The following PANX1 variants were observed in gnomAD, a reference collection of about 807,000 sequenced individuals.
PANX1 encodes pannexin-1.
PANX1 carries 30 observed loss-of-function variants against 38.7 expected under a neutral mutation model. That is an observed-to-expected ratio of 0.78 (90% CI 0.58 to 1.05). PANX1 has a LOEUF of 1.05. Among genes scored for constraint, PANX1 ranks in the 50% least tolerant of loss-of-function variants. PANX1 has a pLI of 0.00. For missense variants in PANX1, 551 were observed against 517.2 expected (o/e 1.07, Z -0.63); for synonymous variants, 230 against 212.2 (o/e 1.08, Z -0.73).
intron 1 of PANX1, among the ~76,000 whole-genome samples, chr11:94,152,638 C>T (rs1946896192): frequency 6.6e-6 from 1 of 152,200 alleles, no homozygotes; most frequent in African/African-American, 2.4e-5. Context: ...GGGGAGGACA[C>T]AGCCCTGCCT....
At chr11:94,161,214 C>T (rs1256409683) in intron 2 of PANX1, among the ~76,000 whole-genome samples, 1 of 152,060 alleles carries the variant, frequency 6.6e-6, no homozygotes, top group Admixed American at 6.6e-5. Flanking sequence ...TGGAGTTGCT[C>T]TTCTCGAGGA....
chr11:94,133,301 A>G (rs919668620), intron 1 of PANX1, among the ~76,000 whole-genome samples: 16 of 152,178 alleles, frequency 1.1e-4, no homozygotes, highest in Admixed American at 8.5e-4. Context: ...TGCCTTGCTC[A>G]TTCACCAGAT....
intron 1 of PANX1, among the ~76,000 whole-genome samples, chr11:94,151,765 C>T (rs1946885070): frequency 6.6e-6 from 1 of 152,136 alleles, no homozygotes; most frequent in South Asian, 2.1e-4. Flanking sequence ...TCTTACCTGT[C>T]CCCCACTCAT....
intron 1 of PANX1, among the ~76,000 whole-genome samples, chr11:94,152,418 G>A (rs1043181555): frequency 6.6e-6 from 1 of 152,212 alleles, no homozygotes; most frequent in Admixed American, 6.5e-5. Flanking sequence ...GAGTGGCAGA[G>A]TCAAATTTAA....
chr11:94,172,180 G>A (rs1048969176), intron 2 of PANX1, among the ~76,000 whole-genome samples: 2 of 151,534 alleles, frequency 1.3e-5, no homozygotes, highest in East Asian at 1.9e-4. Context: ...TCAGGCTCCC[G>A]AGGCCATCTA....
chr11:94,175,940 C>T lies in PANX1; in HGVS notation c.322-2429C>T, dbSNP rs1017842746. 6.2e-6 allele frequency: 6 copies of T among 971,910 alleles called. No individual in the cohort carries two copies. The Admixed American group carries it at 2.5e-4, about 40-fold the overall frequency. 60.2% of individuals were successfully genotyped at this position (971,910 alleles called of 1,614,324 possible). A position where few individuals can be genotyped will look rare whatever the true frequency, so the allele number is the denominator to read the frequency against. On this transcript the variant is annotated intron_variant, in intron 2 of 4. Coordinates refer to ENST00000227638, the MANE Select transcript of PANX1 (RefSeq NM_015368.4). ...GTCATTTGTGCTTATTTCTGTCTTG[C>T]GTCTGGGGCAGAGATTCCTTATGTG...
chr11:94,142,132 A>G (rs1946769383), intron 1 of PANX1, among the ~76,000 whole-genome samples: 1 of 152,152 alleles, frequency 6.6e-6, no homozygotes, highest in South Asian at 2.1e-4. Context: ...GCGTGGGGCA[A>G]GCTCACAGCC....
chr11:94,162,583 TG>T (rs1947057019), intron 2 of PANX1, among the ~76,000 whole-genome samples: 1 of 152,202 alleles, frequency 6.6e-6, no homozygotes. Context: ...AGTATTAGGG[TG>T]GGAGTGACCT....
rs780051930 is a variant in PANX1, at chr11:94,179,903, G to T, written c.847G>T (p.Val283Phe). The change falls in exon 4 of 5, where the codon GTT becomes TTT. Residue 283 changes from valine to phenylalanine, a missense_variant. Val to Phe is a conservative substitution (Grantham distance 50, BLOSUM62 -1). Coordinates refer to ENST00000227638, the MANE Select transcript of PANX1 (RefSeq NM_015368.4). ...FQLLSVINLV[V>F]YVLLAPVVVY... Reference sequence around the variant, plus strand: ...GTTGCTCAGTGTCATTAACCTTGTGGTTTATGTCCTGCTGGCTCCCGTGGT... The same window carrying T: ...GTTGCTCAGTGTCATTAACCTTGTGTTTTATGTCCTGCTGGCTCCCGTGGT... The T allele has an allele frequency of 1.4e-4, 226 of 1,613,268 alleles. No homozygotes were observed. Among genetic ancestry groups the T allele is most frequent in the Non-Finnish European group, 1.9e-4 (221 of 1,179,548 alleles).
intron 1 of PANX1, among the ~76,000 whole-genome samples, chr11:94,139,758 C>T (rs1360166383): frequency 1.3e-5 from 2 of 152,200 alleles, no homozygotes; most frequent in Non-Finnish European, 2.9e-5. Flanking sequence ...GTTACATCCA[C>T]GCTGGGAGGG....
chr11:94,139,177 A>G (rs1158330947), intron 1 of PANX1, among the ~76,000 whole-genome samples: 4 of 152,134 alleles, frequency 2.6e-5, no homozygotes, highest in African/African-American at 7.2e-5. Context: ...CAGACCATCC[A>G]TTTTGTCACT....
intron 2 of PANX1, among the ~76,000 whole-genome samples, chr11:94,172,002 G>A (rs564675039): frequency 6.0e-5 from 9 of 151,068 alleles, no homozygotes; most frequent in South Asian, 4.2e-4. Flanking sequence ...AGGAAAGTCC[G>A]TTTTTGACTG....
At chr11:94,155,468 C>G (rs1457409803) in intron 2 of PANX1, among the ~76,000 whole-genome samples, 1 of 151,776 alleles carries the variant, frequency 6.6e-6, no homozygotes, top group Non-Finnish European at 1.5e-5. Context: ...GAGCAGAGAT[C>G]ACACCACTGC....
intron 1 of PANX1, among the ~76,000 whole-genome samples, chr11:94,141,226 G>T (rs73555258): frequency 0.026 from 3,925 of 152,304 alleles, 164 homozygotes; most frequent in African/African-American, 0.09. Context: ...ACTTTCAACT[G>T]CCTTCCAGAA....
At chr11:94,159,430 G>T (rs1011664228) in intron 2 of PANX1, among the ~76,000 whole-genome samples, 12 of 152,096 alleles carry the variant, frequency 7.9e-5, no homozygotes, top group East Asian at 3.9e-4. Flanking sequence ...CAATTTCAGA[G>T]CCTGTTATTG....
chr11:94,174,630 AC>A, intron 2 of PANX1, among the ~76,000 whole-genome samples: 3 of 151,058 alleles, frequency 2.0e-5, no homozygotes, highest in Non-Finnish European at 4.4e-5. Context: ...CTTGGGGCAG[AC>A]TCTGTGCCTA....
intron 1 of PANX1, among the ~76,000 whole-genome samples, chr11:94,151,603 G>A (rs968239416): frequency 6.6e-6 from 1 of 152,210 alleles, no homozygotes; most frequent in Non-Finnish European, 1.5e-5. Flanking sequence ...CATAAGCCTT[G>A]GTAGGTGGTT....
At chr11:94,148,909 T>C (rs1946853880) in intron 1 of PANX1, among the ~76,000 whole-genome samples, 2 of 152,160 alleles carry the variant, frequency 1.3e-5, no homozygotes, top group Admixed American at 1.3e-4. Context: ...TCTTTAATAA[T>C]TTATGCCTTT....
chr11:94,153,453 C>T lies in PANX1; in HGVS notation c.182-38C>T, dbSNP rs749285746. 11 of 1,609,234 alleles carry T rather than the reference C, an allele frequency of 6.8e-6. No individual in the cohort carries two copies. In the East Asian group the frequency reaches 2.5e-4, roughly 36 times the overall value. On this transcript the variant is annotated intron_variant, in intron 1 of 4. Coordinates refer to ENST00000227638, the MANE Select transcript of PANX1 (RefSeq NM_015368.4). ...AGATGGGGACAAGAGTCCAGGTAAG[C>T]TGTGTTTTCATTGGAAACTATCTGT...
Sources: allele counts gnomAD v4.1 joint callset (sites outside exome capture counted in the v4.1 genomes callset), GRCh38; gene constraint gnomAD v4.1.1; transcripts MANE v1.5; gene names NCBI Gene and HGNC (gene_info 2026-07-23, HGNC 2026-07-21).